Variants in ANO10 observed in about 807,000 individuals in gnomAD.
ANO10 encodes anoctamin 10.
ANO10 carries 77 observed loss-of-function variants against 74.7 expected under a neutral mutation model. That is an observed-to-expected ratio of 1.03 (90% CI 0.86 to 1.25). The LOEUF is 1.25. ANO10 is among the 50% of genes most tolerant of loss of function. The pLI is 0.00. For missense variants in ANO10, 721 were observed against 778.1 expected, an observed-to-expected ratio of 0.93 and a Z score of 0.87; for synonymous variants, 279 against 284.9, an observed-to-expected ratio of 0.98 and a Z score of 0.21.
intron 1 of ANO10, among the ~76,000 whole-genome samples, chr3:43,674,802 G>A (rs1394837736): frequency 6.6e-6 from 1 of 152,182 alleles, no homozygotes; most frequent in Non-Finnish European, 1.5e-5. Context: ...TTGAGTCAGA[G>A]TGGCTGGTCT....
chr3:43,372,433 G>T (rs1241049674), intron 12 of ANO10, among the ~76,000 whole-genome samples: 1 of 152,132 alleles, frequency 6.6e-6, no homozygotes, highest in Non-Finnish European at 1.5e-5. Flanking sequence ...ACCATGCTGG[G>T]GACTACAGTT....
chr3:43,367,529 A>C (rs1475636540), intron 12 of ANO10, among the ~76,000 whole-genome samples: 2 of 151,448 alleles, frequency 1.3e-5, no homozygotes, highest in Admixed American at 1.3e-4. Context: ...ACTTACACTC[A>C]CCCCTCCGCC....
intron 11 of ANO10, among the ~76,000 whole-genome samples, chr3:43,441,544 G>A (rs929695529): frequency 6.6e-6 from 1 of 151,962 alleles, no homozygotes; most frequent in East Asian, 1.9e-4. Context: ...AAAAGCCCAG[G>A]ACCAGAGAGC....
intron 12 of ANO10, among the ~76,000 whole-genome samples, chr3:43,384,713 C>T (rs910408238): frequency 1.3e-5 from 2 of 152,142 alleles, no homozygotes; most frequent in African/African-American, 2.4e-5. Context: ...AATTGGTTAG[C>T]CACATGTAGA....
intron 1 of ANO10, among the ~76,000 whole-genome samples, chr3:43,631,307 C>G (rs2083545201): frequency 6.6e-6 from 1 of 152,168 alleles, no homozygotes; most frequent in African/African-American, 2.4e-5. Context: ...TTCTACTAAC[C>G]CTCACTGCCT....
intron 12 of ANO10, among the ~76,000 whole-genome samples, chr3:43,406,676 A>G (rs138215933): frequency 8.5e-5 from 13 of 152,306 alleles, no homozygotes; most frequent in African/African-American, 3.1e-4. Context: ...GTTACCCACA[A>G]AGCTGGACTG....
At chr3:43,616,412 GC>G (rs2083109629) in intron 1 of ANO10, among the ~76,000 whole-genome samples, 2 of 152,186 alleles carry the variant, frequency 1.3e-5, no homozygotes, top group East Asian at 1.9e-4. Context: ...CCCATATTAT[GC>G]CCTCATCATC....
intron 11 of ANO10, among the ~76,000 whole-genome samples, chr3:43,433,545 A>G (rs1454144399): frequency 3.3e-5 from 5 of 152,190 alleles, no homozygotes; most frequent in African/African-American, 9.6e-5. Context: ...GATTAATTCA[A>G]TGATTGTAAC....
intron 11 of ANO10, among the ~76,000 whole-genome samples, chr3:43,443,676 C>CTTT (rs2093195947): frequency 1.3e-5 from 1 of 74,250 alleles, no homozygotes; most frequent in African/African-American, 4.0e-5. Flanking sequence ...TACTTCCTTC[C>CTTT]TTCTTTTTTT....
At chr3:43,422,935 A>G (rs2092841139) in intron 12 of ANO10, among the ~76,000 whole-genome samples, 1 of 152,204 alleles carries the variant, frequency 6.6e-6, no homozygotes, top group Non-Finnish European at 1.5e-5. Flanking sequence ...TACAGGAGGA[A>G]AAAGTCTACC....
At chr3:43,686,051 T>C (rs1318463851) in intron 1 of ANO10, among the ~76,000 whole-genome samples, 3 of 152,172 alleles carry the variant, frequency 2.0e-5, no homozygotes, top group African/African-American at 7.2e-5. Context: ...TCAGAATCTC[T>C]TGTCTCTGGA....
At chr3:43,469,036 TGC>T in intron 11 of ANO10, among the ~76,000 whole-genome samples, 1 of 113,824 alleles carries the variant, frequency 8.8e-6, no homozygotes. Context: ...ATCAATTAGC[TGC>T]TTTTTTTTTT....
At chr3:43,387,657 G>A (rs893095708) in intron 12 of ANO10, among the ~76,000 whole-genome samples, 2 of 152,190 alleles carry the variant, frequency 1.3e-5, no homozygotes, top group African/African-American at 4.8e-5. Flanking sequence ...TAAACACTGT[G>A]GTTCTCAGTG....
chr3:43,485,837 C>T (rs1435940753), intron 11 of ANO10: 11 of 281,244 alleles, frequency 3.9e-5, no homozygotes, highest in East Asian at 1.2e-4. Flanking sequence ...GTGCAGGCAG[C>T]GACCCACCAC....
intron 11 of ANO10, among the ~76,000 whole-genome samples, chr3:43,493,738 C>T (rs2076815323): frequency 6.6e-6 from 1 of 151,808 alleles, no homozygotes; most frequent in South Asian, 2.1e-4. Flanking sequence ...ATTACAAACC[C>T]ACAGCAAACA....
chr3:43,552,712 A>G (rs2149317617), intron 10 of ANO10, among the ~76,000 whole-genome samples: 1 of 132,274 alleles, frequency 7.6e-6, no homozygotes, highest in African/African-American at 3.2e-5. Context: ...ATATATATAT[A>G]TATATATATA....
chr3:43,637,267 A>T (rs1394448464), intron 1 of ANO10, among the ~76,000 whole-genome samples: 1 of 152,192 alleles, frequency 6.6e-6, no homozygotes, highest in Non-Finnish European at 1.5e-5. Flanking sequence ...CAGGAGTTCA[A>T]GACCAGCCTG....
At chr3:43,674,540 T>C (rs190749883) in intron 1 of ANO10, among the ~76,000 whole-genome samples, 17 of 152,296 alleles carry the variant, frequency 1.1e-4, no homozygotes, top group Middle Eastern at 3.4e-3. Flanking sequence ...GACCTCATCA[T>C]TCTCAACACT....
chr3:43,429,363 A>G (rs760325001), intron 12 of ANO10, among the ~76,000 whole-genome samples: 3 of 152,172 alleles, frequency 2.0e-5, no homozygotes, highest in African/African-American at 2.4e-5. Context: ...TTTTTTAAAA[A>G]AGCAAATTCA....
Sources: allele counts gnomAD v4.1 joint callset (sites outside exome capture counted in the v4.1 genomes callset), GRCh38; gene constraint gnomAD v4.1.1; transcripts MANE v1.5; gene names NCBI Gene and HGNC (gene_info 2026-07-23, HGNC 2026-07-21).